PTPRZ1: variants seen among roughly 807,000 people sequenced by gnomAD.
The protein encoded by PTPRZ1 is protein tyrosine phosphatase receptor type Z1, also known as receptor-type tyrosine-protein phosphatase zeta.
In PTPRZ1, 82 loss-of-function variants were observed where a neutral mutation model predicts 214.1. That is an observed-to-expected ratio of 0.38 (90% CI 0.32 to 0.46). PTPRZ1 has a LOEUF of 0.46. Among genes scored for constraint, PTPRZ1 ranks in the 20% least tolerant of loss-of-function variants. The pLI is 1.00. For missense variants in PTPRZ1, 2,603 were observed against 2,748.7 expected (o/e 0.95, Z 1.19); for synonymous variants, 945 against 987.9 (o/e 0.96, Z 0.81).
At chr7:122,037,055 G>A (rs995898962) in intron 18 of PTPRZ1, among the ~76,000 whole-genome samples, 1 of 151,526 alleles carries the variant, frequency 6.6e-6, no homozygotes, top group South Asian at 2.1e-4. Flanking sequence ...GGCGGATCAC[G>A]AGGTCAGAAG....
chr7:121,959,092 G>C (rs565749759), intron 2 of PTPRZ1, among the ~76,000 whole-genome samples: 5 of 152,222 alleles, frequency 3.3e-5, no homozygotes, highest in Admixed American at 6.5e-5. Context: ...CAAAGTGCTG[G>C]GATTACAGGC....
intron 6 of PTPRZ1, among the ~76,000 whole-genome samples, chr7:121,980,435 A>G (rs896970913): frequency 8.5e-5 from 13 of 152,340 alleles, no homozygotes; most frequent in Admixed American, 6.5e-4. Context: ...ACTTGAATCT[A>G]ATCTGAATTC....
At chr7:121,925,509 T>C (rs917538475) in intron 1 of PTPRZ1, among the ~76,000 whole-genome samples, 15 of 152,194 alleles carry the variant, frequency 9.9e-5, no homozygotes, top group African/African-American at 3.6e-4. Context: ...GTATATTCAA[T>C]TGTCAAAACA....
chr7:121,896,135 G>C (rs1328490688), intron 1 of PTPRZ1, among the ~76,000 whole-genome samples: 3 of 152,120 alleles, frequency 2.0e-5, no homozygotes, highest in Non-Finnish European at 2.9e-5. Context: ...CACATTAACA[G>C]CAATGATTCT....
chr7:121,882,304 A>C (rs1034003195), intron 1 of PTPRZ1, among the ~76,000 whole-genome samples: 1 of 152,334 alleles, frequency 6.6e-6, no homozygotes, highest in East Asian at 1.9e-4. Context: ...AGTTTCTGGC[A>C]TATGAGACTG....
At chr7:121,965,874 T>C (rs1563041095) in intron 2 of PTPRZ1, among the ~76,000 whole-genome samples, 2 of 152,194 alleles carry the variant, frequency 1.3e-5, no homozygotes, top group Non-Finnish European at 2.9e-5. Flanking sequence ...TATATCAATA[T>C]CCTAGGCATT....
intron 1 of PTPRZ1, chr7:121,908,921 AT>A: frequency 1.9e-6 from 1 of 516,976 alleles, no homozygotes; most frequent in Non-Finnish European, 3.9e-6. Flanking sequence ...TGAATATCTC[AT>A]GGGAATTCAT....
At position 121,983,702 on chromosome 7, in the gene PTPRZ1, C is replaced by G; in HGVS notation, c.657C>G (p.Asn219Lys). ...QAALDPFILLNLLPNSTDKYY... is the reference protein window; with the variant it reads ...QAALDPFILLKLLPNSTDKYY... ...CTTTAGATCCATTCATACTGTTGAA[C>G]CTTCTGCCAAACTCAACTGACAAGT... The change falls in exon 7 of 30, where the codon AAC (asparagine) becomes AAG (lysine). Residue 219 changes from asparagine to lysine, a missense_variant. Asn to Lys is a moderately conservative substitution (Grantham distance 94). Coordinates refer to ENST00000393386, the MANE Select transcript of PTPRZ1 (RefSeq NM_002851.3). 1 of 1,613,696 alleles carries G rather than the reference C, an allele frequency of 6.2e-7. No individual in the cohort carries two copies. Among genetic ancestry groups the G allele is most frequent in the Non-Finnish European group, 8.5e-7 (1 of 1,179,884 alleles).
At chr7:121,984,247 G>C in intron 8 of PTPRZ1, 130 bp downstream of exon 8, 1 of 799,684 alleles carries the variant, frequency 1.3e-6, no homozygotes, top group Non-Finnish European at 1.8e-6. Flanking sequence ...TGTAGCTTTA[G>C]ATAAGCTGTC....
intron 1 of PTPRZ1, among the ~76,000 whole-genome samples, chr7:121,893,516 C>G (rs895926494): frequency 6.6e-6 from 1 of 152,212 alleles, no homozygotes; most frequent in Non-Finnish European, 1.5e-5. Flanking sequence ...TGTGTATTCC[C>G]TTTACAGATA....
intron 10 of PTPRZ1, among the ~76,000 whole-genome samples, chr7:122,000,391 T>G (rs927188503): frequency 6.6e-6 from 1 of 151,774 alleles, no homozygotes; most frequent in African/African-American, 2.4e-5. Flanking sequence ...ACAAGATTAG[T>G]GAATTTTATT....
At chr7:121,966,642 C>T (rs1797054407) in intron 2 of PTPRZ1, among the ~76,000 whole-genome samples, 1 of 152,282 alleles carries the variant, frequency 6.6e-6, no homozygotes, top group African/African-American at 2.4e-5. Context: ...GTTGATGCCT[C>T]ACTATGAGAT....
chr7:121,904,707 G>A (rs1169056839), intron 1 of PTPRZ1, among the ~76,000 whole-genome samples: 1 of 151,996 alleles, frequency 6.6e-6, no homozygotes, highest in Non-Finnish European at 1.5e-5. Context: ...TAGATTCCGG[G>A]GTTTCTAGAA....
chr7:121,952,278 T>G (rs1034472208), intron 2 of PTPRZ1, among the ~76,000 whole-genome samples: 3 of 151,684 alleles, frequency 2.0e-5, no homozygotes, highest in East Asian at 1.9e-4. Flanking sequence ...TTTTTGTTTG[T>G]TTTTGGTTTT....
intron 9 of PTPRZ1, among the ~76,000 whole-genome samples, chr7:121,997,650 A>G (rs1192456294): frequency 6.7e-6 from 1 of 149,280 alleles, no homozygotes; most frequent in Non-Finnish European, 1.5e-5. Context: ...CTGAAACTAA[A>G]TCTGATTTTT....
Position 122,011,785 on chromosome 7 carries a change from T to C in PTPRZ1, c.2739T>C (p.Ser913=), listed in dbSNP as rs1244798137. The C allele has an allele frequency of 4.3e-6, 7 of 1,614,150 alleles. No individual in the cohort carries two copies. In the South Asian group the frequency reaches 6.6e-5, roughly 15 times the overall value. ...LMFSQVEPPS[S]DAMMHARSSG... Reference sequence around the variant, plus strand: ...TTTCTCAAGTTGAACCACCCAGCAGTGATGCCATGATGCATGCACGTTCTT... The same window carrying C: ...TTTCTCAAGTTGAACCACCCAGCAGCGATGCCATGATGCATGCACGTTCTT... The change falls in exon 12 of 30, where the codon AGT becomes AGC. Residue 913 remains serine (S), a synonymous_variant. Coordinates refer to ENST00000393386, the MANE Select transcript of PTPRZ1 (RefSeq NM_002851.3).
intron 23 of PTPRZ1, among the ~76,000 whole-genome samples, chr7:122,050,831 C>T (rs191510550): frequency 6.8e-4 from 103 of 152,064 alleles, no homozygotes; most frequent in South Asian, 2.3e-3. Context: ...TTCATTTACC[C>T]GACTGTCAAA....
At position 122,012,478 on chromosome 7, in the gene PTPRZ1, T is replaced by C. The variant is rs771541298; in HGVS notation, c.3432T>C (p.Leu1144=). ...GTGACACTTCGCTTAAACCTGTGCTTAGTGCAAACTCAGAGCCAGCATCCT... is the reference window on the plus strand; with the variant it reads ...GTGACACTTCGCTTAAACCTGTGCTCAGTGCAAACTCAGAGCCAGCATCCT... The part of the protein sequence containing the change: ...ASGDTSLKPV[L]SANSEPASSD... Residue 1144 remains leucine, a synonymous_variant, in exon 12 of 30, where the codon CTT becomes CTC. Coordinates refer to ENST00000393386, the MANE Select transcript of PTPRZ1 (RefSeq NM_002851.3). 1.9e-6 allele frequency: 3 copies of C among 1,613,982 alleles called. No individual in the cohort carries two copies. Among genetic ancestry groups the C allele is most frequent in the Admixed American group, 1.7e-5 (1 of 60,020 alleles).
chr7:122,031,770 A>G, intron 15 of PTPRZ1: 1 of 301,912 alleles, frequency 3.3e-6, no homozygotes, highest in Non-Finnish European at 6.0e-6. Flanking sequence ...GCCAAGTTGT[A>G]CTGGTGGAAA....
Sources: gnomAD v4.1 joint callset for allele counts (sites outside exome capture counted in the v4.1 genomes callset) on GRCh38, gnomAD v4.1.1 for gene constraint, MANE v1.5 for transcripts, NCBI Gene and HGNC (gene_info 2026-07-23, HGNC 2026-07-21) for gene names.